THSD4: variants seen among roughly 807,000 people sequenced by gnomAD.
THSD4 encodes thrombospondin type-1 domain-containing protein 4.
THSD4 carries 69 observed loss-of-function variants against 119.0 expected under a neutral mutation model. The observed-to-expected ratio is 0.58, with a 90% CI of 0.48 to 0.71. THSD4 has a LOEUF of 0.71. Among genes scored for constraint, THSD4 ranks in the 30% least tolerant of loss-of-function variants. The probability of loss-of-function intolerance (pLI) is 0.00; values close to 1 mark genes in which losing one functional copy is unlikely to be tolerated. For missense variants in THSD4, 1,393 were observed against 1,391.1 expected, an observed-to-expected ratio of 1.00 and a Z score of -0.02; for synonymous variants, 524 against 540.4, an observed-to-expected ratio of 0.97 and a Z score of 0.42.
At chr15:71,480,000 T>C (rs944498399) in intron 7 of THSD4, among the ~76,000 whole-genome samples, 1 of 152,210 alleles carries the variant, frequency 6.6e-6, no homozygotes, top group East Asian at 1.9e-4. Flanking sequence ...AAGAGATTCA[T>C]GCTGGACATA....
intron 3 of THSD4, among the ~76,000 whole-genome samples, chr15:71,171,829 G>A (rs1237692649): frequency 6.6e-6 from 1 of 152,124 alleles, no homozygotes; most frequent in Non-Finnish European, 1.5e-5. Flanking sequence ...TCATAAATAA[G>A]TATAAAGACA....
chr15:71,674,610 T>C (rs75976606), intron 8 of THSD4, among the ~76,000 whole-genome samples: 1 of 151,832 alleles, frequency 6.6e-6, no homozygotes, highest in East Asian at 1.9e-4. Flanking sequence ...GACTTCAGGA[T>C]TTTTTTTTAA....
rs117405047 is a variant in THSD4, at chr15:71,455,960, G to A, written c.1152+44137G>A. Among the ~76,000 whole-genome samples the A allele has an allele frequency of 2.0e-4, 30 of 152,268 alleles. No individual in the cohort carries two copies. In the East Asian group the frequency reaches 5.8e-3, roughly 29 times the overall value. On this transcript the variant is annotated intron_variant, in intron 7 of 17. Transcript: ENST00000261862. ...GTTTCCTCTCTTTCTGAGCCTGTCC[G>A]AAAGTCAGGGGTCAAGCTCAGCCTT...
At chr15:71,613,797 C>T (rs905972696) in intron 7 of THSD4, among the ~76,000 whole-genome samples, 1 of 152,148 alleles carries the variant, frequency 6.6e-6, no homozygotes, top group African/African-American at 2.4e-5. Flanking sequence ...AAAATAGTAT[C>T]ATATTTTGGC....
chr15:71,644,621 A>G (rs2050931948), intron 7 of THSD4, among the ~76,000 whole-genome samples: 1 of 152,190 alleles, frequency 6.6e-6, no homozygotes, highest in Non-Finnish European at 1.5e-5. Flanking sequence ...TATTTTTTAA[A>G]AACTGGTTCA....
intron 6 of THSD4, among the ~76,000 whole-genome samples, chr15:71,354,408 T>G (rs1361812209): frequency 1.3e-5 from 2 of 152,188 alleles, no homozygotes; most frequent in African/African-American, 2.4e-5. Context: ...GGGATCACAG[T>G]GGCTTTAGAC....
chr15:71,649,289 T>C (rs1320581191), intron 7 of THSD4, among the ~76,000 whole-genome samples: 1 of 137,422 alleles, frequency 7.3e-6, no homozygotes, highest in African/African-American at 2.7e-5. Context: ...TTTTGTTTTT[T>C]TGAGACAGAG....
chr15:71,673,579 G>A (rs1458371117), intron 8 of THSD4, among the ~76,000 whole-genome samples: 1 of 152,156 alleles, frequency 6.6e-6, no homozygotes, highest in Non-Finnish European at 1.5e-5. Context: ...TAATTGTGAT[G>A]TTAGGGTGTC....
chr15:71,252,705 T>G (rs543141691), intron 5 of THSD4, among the ~76,000 whole-genome samples: 4 of 152,262 alleles, frequency 2.6e-5, no homozygotes, highest in Non-Finnish European at 5.9e-5. Context: ...TCACCACTTA[T>G]GAGCCCTATG....
chr15:71,503,707 G>C lies in THSD4; in HGVS notation c.1152+91884G>C, dbSNP rs140334566. On this transcript the variant is annotated intron_variant, in intron 7 of 17. Transcript: ENST00000261862. ...TGCATCTTCAGCAAAGGGGGGCCTG[G>C]GCTATACCTCTCTACAGACCTCCCA... 4.4e-3 allele frequency among the ~76,000 whole-genome samples: 675 copies of C among 152,220 alleles called. 5 individuals are homozygous for C. Among genetic ancestry groups the C allele is most frequent in the African/African-American group, 0.016 (658 of 41,522 alleles).
chr15:71,638,289 A>G (rs907928657), intron 7 of THSD4, among the ~76,000 whole-genome samples: 1 of 152,184 alleles, frequency 6.6e-6, no homozygotes, highest in Non-Finnish European at 1.5e-5. Context: ...TTATATTTCC[A>G]GAAGTCTGGA....
intron 1 of THSD4, among the ~76,000 whole-genome samples, chr15:71,135,432 G>A (rs2040542452): frequency 1.3e-5 from 2 of 150,590 alleles, no homozygotes; most frequent in African/African-American, 4.9e-5. Flanking sequence ...ATGCAGTGAG[G>A]GGCAAGTGTA....
intron 7 of THSD4, among the ~76,000 whole-genome samples, chr15:71,433,143 A>G (rs1449730604): frequency 2.0e-5 from 3 of 151,716 alleles, no homozygotes; most frequent in Non-Finnish European, 4.4e-5. Context: ...GGAAGACGGC[A>G]TATTTACTAG....
intron 6 of THSD4, among the ~76,000 whole-genome samples, chr15:71,306,488 T>C (rs2045032311): frequency 6.6e-6 from 1 of 152,176 alleles, no homozygotes; most frequent in South Asian, 2.1e-4. Context: ...CACTCTCTGC[T>C]TCTCAGTTAC....
chr15:71,255,431 G>A (rs1215211467), intron 5 of THSD4, among the ~76,000 whole-genome samples: 1 of 152,216 alleles, frequency 6.6e-6, no homozygotes, highest in African/African-American at 2.4e-5. Flanking sequence ...GCCAGAGGGA[G>A]CAGTATGTTT....
intron 8 of THSD4, among the ~76,000 whole-genome samples, chr15:71,666,383 T>G (rs754194900): frequency 2.6e-5 from 4 of 152,134 alleles, no homozygotes; most frequent in Non-Finnish European, 5.9e-5. Flanking sequence ...AAACTTGTAT[T>G]ATGGGGGTTT....
intron 3 of THSD4, among the ~76,000 whole-genome samples, chr15:71,202,065 G>A (rs960839978): frequency 6.6e-6 from 1 of 152,300 alleles, no homozygotes; most frequent in African/African-American, 2.4e-5. Flanking sequence ...GGTCTGGACC[G>A]TAGAGTTCTT....
intron 3 of THSD4, among the ~76,000 whole-genome samples, chr15:71,203,190 G>A (rs892551041): frequency 2.6e-5 from 4 of 152,146 alleles, no homozygotes; most frequent in Non-Finnish European, 5.9e-5. Context: ...CGTGGTGTGA[G>A]CATAGGGGGA....
intron 3 of THSD4, among the ~76,000 whole-genome samples, chr15:71,193,726 G>C (rs1426228516): frequency 6.8e-6 from 1 of 147,114 alleles, no homozygotes; most frequent in Non-Finnish European, 1.5e-5. Context: ...CTTTTTTTTT[G>C]AGACGGAGTC....
Sources: gnomAD v4.1 joint callset for allele counts (sites outside exome capture counted in the v4.1 genomes callset) on GRCh38, gnomAD v4.1.1 for gene constraint, MANE v1.5 for transcripts, NCBI Gene and HGNC (gene_info 2026-07-23, HGNC 2026-07-21) for gene names.